TMEM132D: variants seen among roughly 807,000 people sequenced by gnomAD.
TMEM132D encodes mature OL transmembrane protein.
Under a neutral mutation model 62.3 loss-of-function variants are expected in TMEM132D, and 21 were observed. That is an observed-to-expected ratio of 0.34 (90% confidence interval 0.24 to 0.49). The LOEUF (loss-of-function observed/expected upper bound fraction) is 0.49. TMEM132D is among the 20% of genes least tolerant of loss of function. The probability of loss-of-function intolerance (pLI) is 0.99; values close to 1 mark genes in which losing one functional copy is unlikely to be tolerated. For synonymous variants in TMEM132D, 621 were observed against 575.6 expected, an observed-to-expected ratio of 1.08 and a Z score of -1.13; for missense variants, 1,346 against 1,402.8, an observed-to-expected ratio of 0.96 and a Z score of 0.65.
intron 2 of TMEM132D, among the ~76,000 whole-genome samples, chr12:129,680,170 G>A (rs1880742178): frequency 6.6e-6 from 1 of 152,168 alleles, no homozygotes; most frequent in Non-Finnish European, 1.5e-5. Flanking sequence ...ATGGAAATAA[G>A]GGCAAAAGGT....
chr12:129,576,424 G>A (rs563567805), intron 2 of TMEM132D, among the ~76,000 whole-genome samples: 1 of 151,786 alleles, frequency 6.6e-6, no homozygotes, highest in African/African-American at 2.4e-5. Flanking sequence ...GTATATATTT[G>A]TATATGTGTG....
intron 1 of TMEM132D, among the ~76,000 whole-genome samples, chr12:129,763,454 GTAA>G (rs1438402065): frequency 7.7e-6 from 1 of 129,042 alleles, no homozygotes; most frequent in Admixed American, 8.3e-5. Context: ...TTCTGAAATA[GTAA>G]AATATCAGCA....
chr12:129,676,025 A>G lies in TMEM132D; in HGVS notation c.968+23785T>C, dbSNP rs148776795. On this transcript the variant is annotated intron_variant, in intron 2 of 8. Coordinates refer to ENST00000422113, the MANE Select transcript of TMEM132D (RefSeq NM_133448.3). ...AAATTAATCAAATCTTTCAGTCAAC[A>G]GACACTTAGTGTGTGCTATGTGCCC... Among the ~76,000 whole-genome samples, 593 of 152,334 alleles carry G rather than the reference A, an allele frequency of 3.9e-3. 5 individuals carry two copies. The highest frequency in any genetic ancestry group is 0.014 in the African/African-American group (566 of 41,572).
intron 2 of TMEM132D, among the ~76,000 whole-genome samples, chr12:129,658,642 T>C (rs1273027927): frequency 6.6e-6 from 1 of 152,216 alleles, no homozygotes; most frequent in Non-Finnish European, 1.5e-5. Flanking sequence ...CTGGGACTTC[T>C]GAGACTGCAG....
At chr12:129,512,428 C>T (rs917975522) in intron 3 of TMEM132D, among the ~76,000 whole-genome samples, 2 of 152,090 alleles carry the variant, frequency 1.3e-5, no homozygotes, top group Non-Finnish European at 2.9e-5. Flanking sequence ...AGAGACGAGC[C>T]CTTCTTAGAA....
In TMEM132D at chr12:129,708,684, G is replaced by GA. The variant is rs5801875; in HGVS notation, c.80-7987dup. On this transcript the variant is annotated intron_variant, in intron 1 of 8. Coordinates refer to ENST00000422113, the MANE Select transcript of TMEM132D (RefSeq NM_133448.3). ...TGCACTCATTTAACTAGGAATTCCAGAAAAAAAAAAAAATGAATACTTTGT... is the reference window on the plus strand; with the variant it reads ...TGCACTCATTTAACTAGGAATTCCAGAAAAAAAAAAAAAATGAATACTTTGT... 4.6e-3 allele frequency among the ~76,000 whole-genome samples: 617 copies of GA among 134,692 alleles called. 8 individuals carry two copies. Among genetic ancestry groups the GA allele is most frequent in the African/African-American group, 0.016 (573 of 35,450 alleles). 88.4% of individuals were successfully genotyped at this position (134,692 alleles called of 152,430 possible).
chr12:129,273,132 G>A (rs1880901397), intron 4 of TMEM132D, among the ~76,000 whole-genome samples: 1 of 151,772 alleles, frequency 6.6e-6, no homozygotes, highest in Non-Finnish European at 1.5e-5. Flanking sequence ...GGAGGTGGAG[G>A]TTGCAGTGAG....
At chr12:129,863,425 G>T in intron 1 of TMEM132D, among the ~76,000 whole-genome samples, 1 of 152,178 alleles carries the variant, frequency 6.6e-6, no homozygotes, top group East Asian at 1.9e-4. Context: ...GGCGAGTCTG[G>T]TATTTTTAAG....
At chr12:129,841,400 T>C (rs1180568715) in intron 1 of TMEM132D, among the ~76,000 whole-genome samples, 1 of 152,232 alleles carries the variant, frequency 6.6e-6, no homozygotes, top group African/African-American at 2.4e-5. Context: ...TTTTATTTCA[T>C]TCATTCGGGG....
At chr12:129,882,437 G>C (rs570015391) in intron 1 of TMEM132D, among the ~76,000 whole-genome samples, 4 of 152,144 alleles carry the variant, frequency 2.6e-5, no homozygotes, top group Admixed American at 2.0e-4. Flanking sequence ...TGGGTTTGAC[G>C]AGGAAAATAA....
chr12:129,797,078 T>A (rs111622345), intron 1 of TMEM132D, among the ~76,000 whole-genome samples: 4 of 152,336 alleles, frequency 2.6e-5, no homozygotes, highest in Non-Finnish European at 2.9e-5. Context: ...TCATCTTTCA[T>A]GTGACCAACT....
At chr12:129,800,873 C>T (rs185319096) in intron 1 of TMEM132D, among the ~76,000 whole-genome samples, 5 of 152,258 alleles carry the variant, frequency 3.3e-5, no homozygotes, top group Admixed American at 6.5e-5. Flanking sequence ...GTGCACCAGC[C>T]GAAGCAGGGC....
intron 2 of TMEM132D, among the ~76,000 whole-genome samples, chr12:129,655,764 G>A (rs1423693491): frequency 6.6e-6 from 1 of 152,106 alleles, no homozygotes; most frequent in African/African-American, 2.4e-5. Flanking sequence ...CCGGAAAATA[G>A]CATCATCTTA....
intron 2 of TMEM132D, among the ~76,000 whole-genome samples, chr12:129,639,764 G>A (rs1879594835): frequency 1.3e-5 from 2 of 152,128 alleles, no homozygotes; most frequent in Admixed American, 1.3e-4. Flanking sequence ...TATATGGCAG[G>A]CACTATGAGA....
intron 2 of TMEM132D, among the ~76,000 whole-genome samples, chr12:129,620,556 G>T (rs1879037770): frequency 6.6e-6 from 1 of 152,166 alleles, no homozygotes; most frequent in African/African-American, 2.4e-5. Context: ...CTAAGATTGG[G>T]CCACTGCACT....
chr12:129,364,876 A>C (rs1870357793), intron 3 of TMEM132D, among the ~76,000 whole-genome samples: 1 of 152,218 alleles, frequency 6.6e-6, no homozygotes, highest in Non-Finnish European at 1.5e-5. Flanking sequence ...TGGAGAGGGT[A>C]GCTTATGTTT....
rs141016013 is a variant in TMEM132D, at chr12:129,543,404, G to GGATGGATA, written c.969-12200_969-12199insTATCCATC. Among the ~76,000 whole-genome samples, 290 of 138,956 alleles carry GGATGGATA rather than the reference G, an allele frequency of 2.1e-3. 1 individual carries two copies. The East Asian group carries it at 0.026, about 12-fold the overall frequency. 91.2% of individuals were successfully genotyped at this position (138,956 alleles called of 152,430 possible). ...TGGATGGATGGATGGATGGATGGATGGATAGACAGATAGATAGATATTCCT... is the reference window on the plus strand; with the variant it reads ...TGGATGGATGGATGGATGGATGGATGGATGGATAGATAGACAGATAGATAGATATTCCT... On this transcript the variant is annotated intron_variant, in intron 2 of 8. Coordinates refer to ENST00000422113, the MANE Select transcript of TMEM132D (RefSeq NM_133448.3).
intron 1 of TMEM132D, among the ~76,000 whole-genome samples, chr12:129,821,419 T>A (rs781088968): frequency 6.6e-6 from 1 of 152,110 alleles, no homozygotes; most frequent in Admixed American, 6.5e-5. Flanking sequence ...AGCTGTCAGA[T>A]GGAATCTTCG....
At chr12:129,488,395 G>A (rs1013061256) in intron 3 of TMEM132D, among the ~76,000 whole-genome samples, 4 of 152,072 alleles carry the variant, frequency 2.6e-5, no homozygotes, top group African/African-American at 7.2e-5. Context: ...TCTTATTGTC[G>A]GGTGTGGTGG....
Sources: allele counts gnomAD v4.1 joint callset (sites outside exome capture counted in the v4.1 genomes callset), GRCh38; gene constraint gnomAD v4.1.1; transcripts MANE v1.5; gene names NCBI Gene and HGNC (gene_info 2026-07-23, HGNC 2026-07-21).